GALM: variants seen among roughly 807,000 people sequenced by gnomAD.
The protein encoded by GALM is galactose mutarotase, also known as aldose 1-epimerase.
Under a neutral mutation model 37.4 loss-of-function variants are expected in GALM, and 43 were observed. That is an observed-to-expected ratio of 1.15 (90% CI 0.90 to 1.48). The LOEUF (loss-of-function observed/expected upper bound fraction) is 1.48. Among genes scored for constraint, GALM ranks in the 40% most tolerant of loss-of-function variants. The probability of loss-of-function intolerance (pLI) is 0.00; values close to 1 mark genes in which losing one functional copy is unlikely to be tolerated. For synonymous variants in GALM, 199 were observed against 170.6 expected (o/e 1.17, Z -1.30); for missense variants, 456 against 419.1 (o/e 1.09, Z -0.77).
intron 4 of GALM, among the ~76,000 whole-genome samples, chr2:38,720,439 A>G (rs63400760): frequency 8.9e-6 from 1 of 112,138 alleles, no homozygotes; most frequent in Non-Finnish European, 1.9e-5. Flanking sequence ...AAAAAAAAAA[A>G]GGCTGTGGGT....
intron 1 of GALM, among the ~76,000 whole-genome samples, chr2:38,667,365 C>G (rs926658836): frequency 2.6e-5 from 4 of 152,142 alleles, no homozygotes; most frequent in African/African-American, 9.6e-5. Flanking sequence ...TACATGTTGG[C>G]CAGACCAGCC....
At chr2:38,705,578 A>G (rs1280675329) in intron 4 of GALM, among the ~76,000 whole-genome samples, 1 of 152,192 alleles carries the variant, frequency 6.6e-6, no homozygotes, top group African/African-American at 2.4e-5. Flanking sequence ...TCTAGCCACA[A>G]GGAGAGTGAG....
At chr2:38,731,459 G>A (rs1666609197) in intron 5 of GALM, among the ~76,000 whole-genome samples, 1 of 151,190 alleles carries the variant, frequency 6.6e-6, no homozygotes, top group Admixed American at 6.6e-5. Flanking sequence ...CTCCAACCTG[G>A]CTGCTGCCTT....
At chr2:38,698,448 G>C in intron 4 of GALM, 3 of 1,283,648 alleles carry the variant, frequency 2.3e-6, no homozygotes, top group Non-Finnish European at 3.1e-6. Context: ...TACACTGTCA[G>C]GCTGTGTTTG....
chr2:38,681,551 G>C, intron 3 of GALM, 65 bp downstream of exon 3: 4 of 1,361,702 alleles, frequency 2.9e-6, no homozygotes, highest in Non-Finnish European at 4.2e-6. Flanking sequence ...TGTGGCTAGA[G>C]AGATCAGAGT....
intron 3 of GALM, among the ~76,000 whole-genome samples, chr2:38,689,177 C>T (rs1054752734): frequency 6.6e-6 from 1 of 152,210 alleles, no homozygotes; most frequent in Non-Finnish European, 1.5e-5. Context: ...AATGAATTCC[C>T]TGGGACCACT....
At chr2:38,690,693 A>G (rs1478043057) in intron 4 of GALM, among the ~76,000 whole-genome samples, 1 of 152,166 alleles carries the variant, frequency 6.6e-6, no homozygotes, top group African/African-American at 2.4e-5. Context: ...TCAGCCTCTC[A>G]GAGGGCTGGG....
intron 1 of GALM, chr2:38,671,381 G>A (rs1572508350): frequency 6.6e-6 from 1 of 152,280 alleles, no homozygotes; most frequent in Non-Finnish European, 1.5e-5. Flanking sequence ...GAGGCCTCAG[G>A]AAACTTACAA....
intron 4 of GALM, among the ~76,000 whole-genome samples, chr2:38,717,692 T>A (rs2148452594): frequency 6.6e-6 from 1 of 151,954 alleles, no homozygotes; most frequent in South Asian, 2.1e-4. Flanking sequence ...GAAGCCACCA[T>A]CCCTGGCCTT....
In GALM at chr2:38,734,079, G is replaced by A. The variant is rs1161867858; in HGVS notation, c.*514G>A. ...ATAAGTGAGGAAACTGAGGCTTACA[G>A]AGGTTGAAGACCAACAAGCTAATAA... On this transcript the variant is annotated 3_prime_UTR_variant, in exon 7 of 7. Transcript: ENST00000272252. 5.9e-6 allele frequency: 1 copy of A among 169,754 alleles called. No individual in the cohort carries two copies. Among genetic ancestry groups the A allele is most frequent in the Non-Finnish European group, 1.3e-5 (1 of 77,926 alleles). The allele number at this position is 169,754 out of a possible 1,614,324, so 10.5% of individuals were successfully genotyped here.
chr2:38,697,552 C>T (rs556181948), intron 4 of GALM, among the ~76,000 whole-genome samples: 110 of 152,296 alleles, frequency 7.2e-4, no homozygotes, highest in African/African-American at 2.6e-3. Flanking sequence ...TTCACCCTGG[C>T]TACAGACACT....
chr2:38,732,525 G>A (rs1302755459), intron 6 of GALM, among the ~76,000 whole-genome samples: 1 of 152,178 alleles, frequency 6.6e-6, no homozygotes, highest in East Asian at 1.9e-4. Flanking sequence ...CCACACTTAA[G>A]GAGAGCTTCC....
intron 1 of GALM, among the ~76,000 whole-genome samples, chr2:38,672,086 A>T (rs28716236): frequency 0.1 from 15,383 of 151,418 alleles, 886 homozygotes; most frequent in South Asian, 0.24. Flanking sequence ...CTGGCCTGGC[A>T]AGTGCTTCTT....
intron 4 of GALM, among the ~76,000 whole-genome samples, chr2:38,695,104 G>T (rs978555854): frequency 1.6e-4 from 25 of 151,898 alleles, no homozygotes; most frequent in Non-Finnish European, 1.0e-4. Flanking sequence ...TGTTGAAAAT[G>T]ATAGAAAAAT....
intron 4 of GALM, among the ~76,000 whole-genome samples, chr2:38,711,623 G>C (rs1666162205): frequency 1.3e-5 from 2 of 151,486 alleles, no homozygotes; most frequent in South Asian, 4.2e-4. Context: ...AGGTGGTTAA[G>C]AACATAGTCT....
intron 4 of GALM, among the ~76,000 whole-genome samples, chr2:38,703,273 A>G (rs748794678): frequency 2.0e-5 from 3 of 149,040 alleles, no homozygotes; most frequent in Non-Finnish European, 4.5e-5. Flanking sequence ...ATGCCTGGCT[A>G]ATTTTGTATT....
intron 2 of GALM, among the ~76,000 whole-genome samples, chr2:38,679,040 G>C (rs575096060): frequency 7.0e-4 from 107 of 152,276 alleles, no homozygotes; most frequent in African/African-American, 2.5e-3. Context: ...AGGCTGGAGT[G>C]CAGTGGCGCA....
intron 4 of GALM, among the ~76,000 whole-genome samples, chr2:38,712,629 T>G (rs1462475686): frequency 6.6e-6 from 1 of 152,182 alleles, no homozygotes; most frequent in Non-Finnish European, 1.5e-5. Flanking sequence ...TCTAGGAGAC[T>G]GTCCCTGGGC....
intron 4 of GALM, among the ~76,000 whole-genome samples, chr2:38,704,850 G>C (rs1666006593): frequency 6.6e-6 from 1 of 152,062 alleles, no homozygotes; most frequent in Non-Finnish European, 1.5e-5. Flanking sequence ...ACCTCTCTTG[G>C]TAGCAGTGGT....
Sources: allele counts gnomAD v4.1 joint callset (sites outside exome capture counted in the v4.1 genomes callset), GRCh38; gene constraint gnomAD v4.1.1; transcripts MANE v1.5; gene names NCBI Gene and HGNC (gene_info 2026-07-23, HGNC 2026-07-21).